GRID2: variants seen among roughly 807,000 people sequenced by gnomAD.
GRID2 encodes glutamate receptor ionotropic, delta-2.
GRID2 carries 33 observed loss-of-function variants against 114.8 expected under a neutral mutation model. The ratio of observed to expected loss-of-function variants is 0.29; its 90% confidence interval spans 0.22 to 0.38. The LOEUF (loss-of-function observed/expected upper bound fraction) is 0.38, where lower values mean the gene tolerates loss of function less well. GRID2 is among the 10% of genes least tolerant of loss of function. The pLI is 1.00. For synonymous variants in GRID2, 505 were observed against 449.9 expected (o/e 1.12, Z -1.55); for missense variants, 1,184 against 1,257.7 (o/e 0.94, Z 0.89).
chr4:92,778,138 A>G (rs935224072), intron 2 of GRID2, among the ~76,000 whole-genome samples: 1 of 152,138 alleles, frequency 6.6e-6, no homozygotes, highest in African/African-American at 2.4e-5. Context: ...CCTCTTCTCA[A>G]CATGCTCATC....
chr4:92,506,511 G>T (rs1723979238), intron 1 of GRID2, among the ~76,000 whole-genome samples: 1 of 151,904 alleles, frequency 6.6e-6, no homozygotes, highest in South Asian at 2.1e-4. Flanking sequence ...AAACATTGAT[G>T]GCCAGTTGAT....
At chr4:92,651,915 CT>C (rs1462575175) in intron 2 of GRID2, among the ~76,000 whole-genome samples, 1 of 152,100 alleles carries the variant, frequency 6.6e-6, no homozygotes. Flanking sequence ...TTCTTTTTCT[CT>C]GTCAACTTTC....
chr4:92,932,699 A>G (rs1232455438), intron 2 of GRID2, among the ~76,000 whole-genome samples: 2 of 151,394 alleles, frequency 1.3e-5, no homozygotes, highest in East Asian at 1.9e-4. Context: ...ACATTATCTT[A>G]TATTCATACA....
At chr4:93,055,247 C>G (rs1048345760) in intron 2 of GRID2, among the ~76,000 whole-genome samples, 1 of 151,508 alleles carries the variant, frequency 6.6e-6, no homozygotes. Context: ...AATCATGAGA[C>G]CTTACTGCAC....
rs778441533 is a variant in GRID2 at position 93,076,805 on chromosome 4, AC to A, written c.245-8189del. On this transcript the variant is annotated intron_variant, in intron 2 of 15. Transcript: ENST00000282020. The stretch of plus-strand genomic sequence containing the variant: ...GCTAATTTTTGTATTTTTAGTAGAG[AC>A]GGGGTATCACCATGTTGGTCAGGCT... 4.6e-5 allele frequency among the ~76,000 whole-genome samples: 7 copies of A among 151,868 alleles called. No individual in the cohort carries two copies. In the East Asian group the frequency reaches 5.8e-4, roughly 13 times the overall value.
chr4:93,343,335 G>C (rs184908686), intron 8 of GRID2, among the ~76,000 whole-genome samples: 5 of 152,136 alleles, frequency 3.3e-5, no homozygotes, highest in African/African-American at 1.2e-4. Flanking sequence ...GTATGAAAAA[G>C]AAAAGATGGG....
At chr4:93,608,542 A>G (rs1740573276) in intron 13 of GRID2, among the ~76,000 whole-genome samples, 1 of 145,298 alleles carries the variant, frequency 6.9e-6, no homozygotes, top group South Asian at 2.2e-4. Flanking sequence ...ATTCCCACCT[A>G]TGAGTGAGAA....
intron 1 of GRID2, among the ~76,000 whole-genome samples, chr4:92,444,401 G>A (rs1733326959): frequency 8.9e-6 from 1 of 112,664 alleles, no homozygotes; most frequent in Non-Finnish European, 2.3e-5. Flanking sequence ...GGGCAGGAGT[G>A]GGGGTCACAA....
At chr4:93,585,031 G>T (rs1234094115) in intron 13 of GRID2, among the ~76,000 whole-genome samples, 1 of 152,026 alleles carries the variant, frequency 6.6e-6, no homozygotes, top group Non-Finnish European at 1.5e-5. Context: ...AATAAGCAGA[G>T]GTTATCATTC....
At chr4:92,703,951 T>G (rs1019344746) in intron 2 of GRID2, among the ~76,000 whole-genome samples, 2 of 152,056 alleles carry the variant, frequency 1.3e-5, no homozygotes, top group Admixed American at 6.5e-5. Flanking sequence ...CAACTCTCAT[T>G]AAATACTTCG....
intron 1 of GRID2, among the ~76,000 whole-genome samples, chr4:92,310,506 T>C (rs1366090893): frequency 2.6e-5 from 4 of 152,030 alleles, no homozygotes; most frequent in Non-Finnish European, 4.4e-5. Context: ...TATTAGAACA[T>C]CTATGGATTC....
intron 4 of GRID2, among the ~76,000 whole-genome samples, chr4:93,141,876 CT>C (rs1240168354): frequency 6.6e-6 from 1 of 152,190 alleles, no homozygotes; most frequent in Non-Finnish European, 1.5e-5. Context: ...TCTTGTTTGA[CT>C]TTCCTACACA....
intron 4 of GRID2, among the ~76,000 whole-genome samples, chr4:93,179,269 T>C (rs1739657341): frequency 6.6e-6 from 1 of 152,162 alleles, no homozygotes; most frequent in South Asian, 2.1e-4. Context: ...CCAGGGTAGA[T>C]GGGAGTGAAA....
In GRID2 at chr4:93,773,407, G is replaced by C. The variant is rs993203377; in HGVS notation, c.*909G>C. The C allele has an allele frequency of 3.3e-5, 5 of 152,082 alleles. No homozygotes were observed. The highest frequency in any genetic ancestry group is 1.3e-4 in the Admixed American group (2 of 15,270). 9.4% of individuals were successfully genotyped at this position (152,082 alleles called of 1,614,324 possible). A position where few individuals can be genotyped will look rare whatever the true frequency, so the allele number is the denominator to read the frequency against. On this transcript the variant is annotated 3_prime_UTR_variant, in exon 16 of 16. Transcript: ENST00000282020. ...CTTTAATGTTATTCTGACTCGCATT[G>C]TTTGCCAACAGAAAATATTTTATAC...
intron 4 of GRID2, among the ~76,000 whole-genome samples, chr4:93,199,975 G>A (rs543162066): frequency 1.3e-5 from 2 of 152,276 alleles, no homozygotes; most frequent in East Asian, 3.9e-4. Context: ...TGGCCACTGT[G>A]TTTCAGACAT....
intron 8 of GRID2, among the ~76,000 whole-genome samples, chr4:93,369,797 G>A (rs540765245): frequency 1.3e-5 from 2 of 152,164 alleles, no homozygotes; most frequent in Admixed American, 6.5e-5. Context: ...CTCAAAATTA[G>A]GTTTCTATTG....
intron 2 of GRID2, among the ~76,000 whole-genome samples, chr4:92,982,559 G>C (rs115170292): frequency 0.027 from 4,121 of 151,914 alleles, 103 homozygotes; most frequent in African/African-American, 0.062. Context: ...CTTCTGCTCT[G>C]CCCTTTCATC....
intron 7 of GRID2, among the ~76,000 whole-genome samples, chr4:93,227,262 G>C (rs1745594519): frequency 6.6e-6 from 1 of 151,598 alleles, no homozygotes; most frequent in African/African-American, 2.4e-5. Flanking sequence ...TTTTTTGACA[G>C]TCTCGCACAG....
At chr4:93,012,142 T>G (rs551614467) in intron 2 of GRID2, among the ~76,000 whole-genome samples, 1 of 151,144 alleles carries the variant, frequency 6.6e-6, no homozygotes, top group South Asian at 2.1e-4. Context: ...TAAGAAGAGA[T>G]TAAGGAGTAA....
Sources: allele counts gnomAD v4.1 joint callset (sites outside exome capture counted in the v4.1 genomes callset), GRCh38; gene constraint gnomAD v4.1.1; transcripts MANE v1.5; gene names NCBI Gene and HGNC (gene_info 2026-07-23, HGNC 2026-07-21).